CENPU: variants seen among roughly 807,000 people sequenced by gnomAD.
CENPU encodes the protein KSHV latent nuclear antigen interacting protein 1.
In CENPU, 46 loss-of-function variants were observed where a neutral mutation model predicts 56.7. That is an observed-to-expected ratio of 0.81 (90% CI 0.64 to 1.04). The LOEUF is 1.04. Among genes scored for constraint, CENPU ranks in the 50% least tolerant of loss-of-function variants. The probability of loss-of-function intolerance (pLI) is 0.00; values close to 1 mark genes in which losing one functional copy is unlikely to be tolerated. For missense variants in CENPU, 510 were observed against 490.1 expected (o/e 1.04, Z -0.38); for synonymous variants, 166 against 163.0 (o/e 1.02, Z -0.14).
intron 8 of CENPU, among the ~76,000 whole-genome samples, chr4:184,705,345 T>C (rs950980530): frequency 1.3e-5 from 2 of 152,204 alleles, no homozygotes; most frequent in African/African-American, 4.8e-5. Context: ...CAGTTTCATT[T>C]ATATAACATT....
intron 3 of CENPU, among the ~76,000 whole-genome samples, chr4:184,726,405 G>A (rs1364435387): frequency 6.6e-6 from 1 of 151,986 alleles, no homozygotes; most frequent in Non-Finnish European, 1.5e-5. Context: ...ATAAGTACAC[G>A]GAAAAGGTGC....
intron 8 of CENPU, among the ~76,000 whole-genome samples, chr4:184,709,395 G>A (rs971859206): frequency 6.6e-6 from 1 of 151,752 alleles, no homozygotes; most frequent in Admixed American, 6.6e-5. Context: ...GCTGAGGCAG[G>A]AGAATTGCTT....
At chr4:184,714,545 T>C (rs774687659) in intron 6 of CENPU, among the ~76,000 whole-genome samples, 8 of 152,118 alleles carry the variant, frequency 5.3e-5, no homozygotes, top group Non-Finnish European at 8.8e-5. Flanking sequence ...TAGTGGAAGG[T>C]AGTTAATTGT....
intron 1 of CENPU, among the ~76,000 whole-genome samples, chr4:184,731,698 A>G (rs942192639): frequency 7.9e-5 from 12 of 152,216 alleles, no homozygotes; most frequent in African/African-American, 2.9e-4. Context: ...AGGAGAATAC[A>G]GTACATAATT....
At chr4:184,703,741 G>C (rs1579761862) in intron 8 of CENPU, among the ~76,000 whole-genome samples, 1 of 152,186 alleles carries the variant, frequency 6.6e-6, no homozygotes, top group South Asian at 2.1e-4. Flanking sequence ...ATTCACAATA[G>C]CCAAAAGGTG....
Position 184,697,510 on chromosome 4 carries a change from A to G in CENPU, c.1143+137T>C, listed in dbSNP as rs1760379032. 2.1e-5 allele frequency: 17 copies of G among 795,176 alleles called. No individual in the cohort carries two copies. The East Asian group carries it at 4.6e-4, about 21-fold the overall frequency. 49.3% of individuals were successfully genotyped at this position (795,176 alleles called of 1,614,324 possible). On this transcript the variant is annotated intron_variant, in intron 12 of 12. Transcript: ENST00000281453. Reference sequence around the variant, plus strand: ...TGATATAATGAAGTTTCACTGGCTTATAGTGATACTATTTTAGGTGGACTC... The same window carrying G: ...TGATATAATGAAGTTTCACTGGCTTGTAGTGATACTATTTTAGGTGGACTC...
chr4:184,710,349 G>A (rs1188634012), intron 7 of CENPU, 169 bp from the exon 8 acceptor site: 6 of 449,304 alleles, frequency 1.3e-5, no homozygotes, highest in East Asian at 1.0e-4. Flanking sequence ...GCACAGTCTC[G>A]CAAACCCCTA....
At position 184,733,998 on chromosome 4, in the gene CENPU, A is replaced by C. The variant is rs372864449; in HGVS notation, c.47+18T>G. 1,237 of 1,610,152 alleles carry C rather than the reference A, an allele frequency of 7.7e-4. 1 individual carries two copies. Among genetic ancestry groups the C allele is most frequent in the Non-Finnish European group, 9.2e-4 (1,086 of 1,178,960 alleles). On this transcript the variant is annotated intron_variant, in intron 1 of 12. Coordinates refer to ENST00000281453, the MANE Select transcript of CENPU (RefSeq NM_024629.4). ...GCTGGTCTCCGGCCCCGCGCTCCCG[A>C]GGGTCGGCAGTACTTACCCCTCAGA...
intron 7 of CENPU, 144 bp from the exon 8 acceptor site, chr4:184,710,324 A>G (rs1017361259): frequency 1.9e-6 from 1 of 529,254 alleles, no homozygotes. Flanking sequence ...TGCCGTACTC[A>G]CTTCTTATCC....
At chr4:184,702,931 C>T (rs1360611137) in intron 8 of CENPU, among the ~76,000 whole-genome samples, 2 of 152,158 alleles carry the variant, frequency 1.3e-5, no homozygotes, top group Non-Finnish European at 2.9e-5. Context: ...GTGTAGTATT[C>T]CATGGTCTAT....
chr4:184,705,849 C>A (rs952433785), intron 8 of CENPU, among the ~76,000 whole-genome samples: 1 of 152,134 alleles, frequency 6.6e-6, no homozygotes, highest in Non-Finnish European at 1.5e-5. Context: ...TGAAATAAGC[C>A]AGTCACAAAA....
intron 7 of CENPU, among the ~76,000 whole-genome samples, chr4:184,710,986 G>C (rs1760903058): frequency 6.6e-6 from 1 of 152,074 alleles, no homozygotes; most frequent in Non-Finnish European, 1.5e-5. Flanking sequence ...CTCCCAAGCA[G>C]CTGGGACTAC....
Position 184,716,663 on chromosome 4 carries a change from T to C in CENPU, c.382-30A>G, listed in dbSNP as rs765999207. On this transcript the variant is annotated intron_variant, in intron 5 of 12. Coordinates refer to ENST00000281453, the MANE Select transcript of CENPU (RefSeq NM_024629.4). The stretch of plus-strand genomic sequence containing the variant: ...GTGAAAGAAAAAACAGCAGTACTTA[T>C]GTAGAAAATAGAAATGCTTATAATT... 1.8e-5 allele frequency: 27 copies of C among 1,505,680 alleles called. No individual in the cohort carries two copies. In the East Asian group the frequency reaches 2.0e-4, roughly 11 times the overall value. 93.3% of individuals were successfully genotyped at this position (1,505,680 alleles called of 1,614,324 possible).
intron 7 of CENPU, among the ~76,000 whole-genome samples, chr4:184,712,221 T>TA (rs1200496528): frequency 2.1e-4 from 32 of 151,896 alleles, no homozygotes; most frequent in African/African-American, 7.7e-4. Flanking sequence ...AACTGTAGTG[T>TA]AATCACACAA....
At position 184,725,408 on chromosome 4, in the gene CENPU, C is replaced by T. The variant is rs138360608; in HGVS notation, c.215-346G>A. On this transcript the variant is annotated intron_variant, in intron 3 of 12. Transcript: ENST00000281453. ...GCAGCCTGAAGCACCTGGGCTCAAG[C>T]GATCTTCCTGCCTCAGCCTCCCAAA... Among the ~76,000 whole-genome samples, 330 of 152,338 alleles carry T rather than the reference C, an allele frequency of 2.2e-3. 6 individuals carry two copies. Among genetic ancestry groups the T allele is most frequent in the Admixed American group, 0.015 (228 of 15,312 alleles).
chr4:184,700,288 C>T (rs565161853), intron 11 of CENPU, among the ~76,000 whole-genome samples: 4 of 146,160 alleles, frequency 2.7e-5, no homozygotes, highest in Admixed American at 6.7e-5. Context: ...GCATACCCTT[C>T]GACAATAACA....
At chr4:184,698,696 G>A (rs543319839) in intron 11 of CENPU, among the ~76,000 whole-genome samples, 4 of 152,194 alleles carry the variant, frequency 2.6e-5, no homozygotes, top group East Asian at 1.9e-4. Context: ...TGATCCACCC[G>A]CCCCAGCCTC....
intron 8 of CENPU, among the ~76,000 whole-genome samples, chr4:184,703,783 T>C (rs1760625982): frequency 2.0e-5 from 3 of 152,280 alleles, no homozygotes; most frequent in Middle Eastern, 3.4e-3. Context: ...GATAGATGAA[T>C]GGATAAAGGA....
At position 184,694,404 on chromosome 4, in the gene CENPU, T is replaced by G. The variant is rs182206287; in HGVS notation, c.*884A>C. On this transcript the variant is annotated 3_prime_UTR_variant, in exon 13 of 13. Coordinates refer to ENST00000281453, the MANE Select transcript of CENPU (RefSeq NM_024629.4). ...TCGGAGACAGCATTCCTCCTGCATATTCACTTTAGTATCTGTCACTTAATA... is the reference window on the plus strand; with the variant it reads ...TCGGAGACAGCATTCCTCCTGCATAGTCACTTTAGTATCTGTCACTTAATA... 361 of 1,428,934 alleles carry G rather than the reference T, an allele frequency of 2.5e-4. No homozygotes were observed. The African/African-American group carries it at 4.7e-3, about 18-fold the overall frequency. The allele number at this position is 1,428,934 out of a possible 1,614,324, so 88.5% of individuals were successfully genotyped here. A position where few individuals can be genotyped will look rare whatever the true frequency, so the allele number is the denominator to read the frequency against.
Sources: allele counts gnomAD v4.1 joint callset (sites outside exome capture counted in the v4.1 genomes callset), GRCh38; gene constraint gnomAD v4.1.1; transcripts MANE v1.5; gene names NCBI Gene and HGNC (gene_info 2026-07-23, HGNC 2026-07-21).